Variants in NNAT observed in about 807,000 individuals in gnomAD.
The protein encoded by NNAT is neuronatin.
A neutral mutation model predicts 12.7 loss-of-function variants in NNAT; 8 were observed. The observed-to-expected ratio is 0.63, with a 90% CI of 0.37 to 1.14. NNAT has a LOEUF of 1.14. Ranked by LOEUF, NNAT falls within the 50% of genes most tolerant of loss-of-function variation. The probability of loss-of-function intolerance (pLI) is 0.01; values close to 1 mark genes in which losing one functional copy is unlikely to be tolerated. For synonymous variants in NNAT, 52 were observed against 48.5 expected, an observed-to-expected ratio of 1.07 and a Z score of -0.30; for missense variants, 94 against 108.3, an observed-to-expected ratio of 0.87 and a Z score of 0.59.
rs1320498608 is a variant in NNAT at position 37,522,660 on chromosome 20, G to A, written c.154-7G>A. The A allele has an allele frequency of 5.6e-6, 9 of 1,608,396 alleles. No homozygotes were observed. Among genetic ancestry groups the A allele is most frequent in the South Asian group, 2.2e-5 (2 of 90,192 alleles). On this transcript the variant is annotated splice_polypyrimidine_tract_variant and splice_region_variant and intron_variant, in intron 2 of 2. Coordinates refer to ENST00000649451, the MANE Select transcript of NNAT (RefSeq NM_005386.4). ...ACTAAGGGTGGGTCCTGGGTTTCTCGTCGCAGGTGTTCAGGTACTCCCTGC... is the reference window on the plus strand; with the variant it reads ...ACTAAGGGTGGGTCCTGGGTTTCTCATCGCAGGTGTTCAGGTACTCCCTGC...
chr20:37,522,514 T>A lies in NNAT; in HGVS notation c.153+76T>A, dbSNP rs2071619850. ...ACAGTTGGAAAAGCTCCAGCTGCCC[T>A]GACTCGTGGACAAGCTGCGCCCGCG... On this transcript the variant is annotated intron_variant, in intron 2 of 2. Transcript: ENST00000649451. The A allele has an allele frequency of 6.7e-6, 10 of 1,485,606 alleles. No individual in the cohort carries two copies. In the Admixed American group the frequency reaches 7.1e-5, roughly 11 times the overall value. 92.0% of individuals were successfully genotyped at this position (1,485,606 alleles called of 1,614,324 possible). A position where few individuals can be genotyped will look rare whatever the true frequency, so the allele number is the denominator to read the frequency against.
chr20:37,522,728 T>C lies in NNAT; in HGVS notation c.215T>C (p.Leu72Ser), dbSNP rs1343490545. Reference sequence around the variant, plus strand: ...GTGTCGCGGACCGGGCGGCAGGTGTTGGGGGAGCGCAGGCAGCGAGCCCCC... The same window carrying C: ...GTGTCGCGGACCGGGCGGCAGGTGTCGGGGGAGCGCAGGCAGCGAGCCCCC... ...YTVSRTGRQV[L>S]GERRQRAPN is the part of the protein sequence containing the mutation. The change falls in exon 3 of 3, where the codon TTG becomes TCG. Residue 72 changes from leucine to serine, a missense_variant. Transcript: ENST00000649451. The C allele has an allele frequency of 1.2e-6, 2 of 1,610,714 alleles. No individual in the cohort carries two copies. Among genetic ancestry groups the C allele is most frequent in the East Asian group, 4.5e-5 (2 of 44,746 alleles).
Position 37,521,305 on chromosome 20 carries a change from G to C in NNAT, c.-27G>C, listed in dbSNP as rs762794212. ...CGGATCTCGGCAAACCCTCTTTCTC[G>C]ACCACCCACCTACCATTCTTGGAAC... On this transcript the variant is annotated 5_prime_UTR_variant, in exon 1 of 3. Coordinates refer to ENST00000649451, the MANE Select transcript of NNAT (RefSeq NM_005386.4). This position sits in a 1 kb window ranked among gnomAD's most constrained non-coding sequence, Gnocchi z 4.5. 2.3e-4 allele frequency: 367 copies of C among 1,612,262 alleles called. No individual in the cohort carries two copies. The highest frequency in any genetic ancestry group is 3.0e-4 in the Non-Finnish European group (351 of 1,178,740).
At chr20:37,522,598 G>GGGGGGGGGGGGGGGGGGGCGC in intron 2 of NNAT, 69 bp from the exon 3 acceptor site, 1 of 864,476 alleles carries the variant, frequency 1.2e-6, no homozygotes, top group Non-Finnish European at 1.7e-6. Flanking sequence ...GCGGGGGTGG[G>GGGGGGGGGGGGGGGGGGGCGC]CACGGCAGCA....
chr20:37,523,318 G>GCTGCATTTGCTCT lies in NNAT; in HGVS notation c.*562_*574dup, dbSNP rs2071656434. ...CCCAGGGCACTTGCATTCCAGCCTC[G>GCTGCATTTGCTCT]CTGCATTTGCTCTCTCGATTCCCCT... On this transcript the variant is annotated 3_prime_UTR_variant, in exon 3 of 3. Transcript: ENST00000649451. 1 of 152,568 alleles carries GCTGCATTTGCTCT rather than the reference G, an allele frequency of 6.6e-6. No homozygotes were observed. The highest frequency in any genetic ancestry group is 2.1e-4 in the South Asian group (1 of 4,840). The allele number at this position is 152,568 out of a possible 1,614,324, so 9.5% of individuals were successfully genotyped here.
At chr20:37,522,598 G>GGCCC in intron 2 of NNAT, 69 bp from the exon 3 acceptor site, 2 of 864,174 alleles carry the variant, frequency 2.3e-6, no homozygotes, top group East Asian at 4.6e-5. Context: ...GCGGGGGTGG[G>GGCCC]CACGGCAGCA....
rs1448197815 is a variant in NNAT, at chr20:37,523,242, G to A, written c.*483G>A. Reference sequence around the variant, plus strand: ...TGTGGCGGGACTGGAGGGCACAGTTGAGGAAGGAGGGTGGTTAAGAAATAC... The same window carrying A: ...TGTGGCGGGACTGGAGGGCACAGTTAAGGAAGGAGGGTGGTTAAGAAATAC... On this transcript the variant is annotated 3_prime_UTR_variant, in exon 3 of 3. Transcript: ENST00000649451. 6.5e-6 allele frequency: 1 copy of A among 154,008 alleles called. No individual in the cohort carries two copies. The highest frequency in any genetic ancestry group is 1.4e-5 in the Non-Finnish European group (1 of 69,196). 9.5% of individuals were successfully genotyped at this position (154,008 alleles called of 1,614,324 possible). A position where few individuals can be genotyped will look rare whatever the true frequency, so the allele number is the denominator to read the frequency against.
Position 37,521,966 on chromosome 20 carries a change from G to A in NNAT, c.73-392G>A, listed in dbSNP as rs1203367003. Among the ~76,000 whole-genome samples, 2 of 148,078 alleles carry A rather than the reference G, an allele frequency of 1.4e-5. No homozygotes were observed. Among genetic ancestry groups the A allele is most frequent in the Non-Finnish European group, 3.0e-5 (2 of 67,314 alleles). Reference sequence around the variant, plus strand: ...GTAGTTCACAGGAAAACAGAAAAACGCGCATTGCAGGAAAAATAAATCGGA... The same window carrying A: ...GTAGTTCACAGGAAAACAGAAAAACACGCATTGCAGGAAAAATAAATCGGA... On this transcript the variant is annotated intron_variant, in intron 1 of 2. Transcript: ENST00000649451. This position sits in a 1 kb window ranked among gnomAD's most constrained non-coding sequence, Gnocchi z 4.5.
chr20:37,521,669 G>C lies in NNAT; in HGVS notation c.72+266G>C, dbSNP rs1166413338. On this transcript the variant is annotated intron_variant, in intron 1 of 2. Coordinates refer to ENST00000649451, the MANE Select transcript of NNAT (RefSeq NM_005386.4). This position sits in a 1 kb window ranked among gnomAD's most constrained non-coding sequence, Gnocchi z 4.5. ...GGCGACCGCTGCGGACGATCACCCAGGCATTTAGCGACCTACGCGGTAAGA... is the reference window on the plus strand; with the variant it reads ...GGCGACCGCTGCGGACGATCACCCACGCATTTAGCGACCTACGCGGTAAGA... The C allele has an allele frequency of 4.2e-6, 2 of 476,058 alleles. No homozygotes were observed. Among genetic ancestry groups the C allele is most frequent in the Non-Finnish European group, 7.6e-6 (2 of 263,492 alleles). The allele number at this position is 476,058 out of a possible 1,614,324, so 29.5% of individuals were successfully genotyped here.
intron 2 of NNAT, 113 bp downstream of exon 2, chr20:37,522,551 A>T: frequency 1.9e-6 from 2 of 1,043,734 alleles, no homozygotes; most frequent in Admixed American, 2.8e-5. Context: ...CCGCCTCTCC[A>T]GCCTACGCTG....
Position 37,521,294 on chromosome 20 carries a change from C to CCCTCTT in NNAT, c.-37_-32dup, listed in dbSNP as rs774457479. On this transcript the variant is annotated 5_prime_UTR_variant, in exon 1 of 3. Transcript: ENST00000649451. The surrounding 1 kb of genome is among the most constrained non-coding windows in gnomAD (Gnocchi z 4.5). ...TCCGAGACCAGCGGATCTCGGCAAA[C>CCCTCTT]CCTCTTTCTCGACCACCCACCTACC... The CCCTCTT allele has an allele frequency of 1.2e-6, 2 of 1,608,348 alleles. No homozygotes were observed. Among genetic ancestry groups the CCCTCTT allele is most frequent in the East Asian group, 4.5e-5 (2 of 44,836 alleles).
Position 37,521,469 on chromosome 20 carries a change from G to T in NNAT, c.72+66G>T, listed in dbSNP as rs551653227. On this transcript the variant is annotated intron_variant, in intron 1 of 2. Coordinates refer to ENST00000649451, the MANE Select transcript of NNAT (RefSeq NM_005386.4). This position sits in a 1 kb window ranked among gnomAD's most constrained non-coding sequence, Gnocchi z 4.5. ...TCGCGCCCCTAGAACCCGCAAGACT[G>T]CGTCGCGATTGCCGCTTCCCGGACC... 6.4e-5 allele frequency: 96 copies of T among 1,495,496 alleles called. No homozygotes were observed. In the East Asian group the frequency reaches 2.2e-3, roughly 34 times the overall value. 92.6% of individuals were successfully genotyped at this position (1,495,496 alleles called of 1,614,324 possible). A position where few individuals can be genotyped will look rare whatever the true frequency, so the allele number is the denominator to read the frequency against.
Position 37,521,327 on chromosome 20 carries a change from G to C in NNAT, c.-5G>C. 1 of 1,614,012 alleles carries C rather than the reference G, an allele frequency of 6.2e-7. No homozygotes were observed. Among genetic ancestry groups the C allele is most frequent in the Non-Finnish European group, 8.5e-7 (1 of 1,179,928 alleles). ...CTCGACCACCCACCTACCATTCTTG[G>C]AACCATGGCGGCAGTGGCGGCGGCC... On this transcript the variant is annotated 5_prime_UTR_variant, in exon 1 of 3. Coordinates refer to ENST00000649451, the MANE Select transcript of NNAT (RefSeq NM_005386.4). The surrounding 1 kb of genome is among the most constrained non-coding windows in gnomAD (Gnocchi z 4.5).
At position 37,523,422 on chromosome 20, in the gene NNAT, G is replaced by C. The variant is rs2071659408; in HGVS notation, c.*663G>C. ...ATTTGGAACTATTCAAGCAGTAAAAGTAAATGAATCCCACCTTTACTAAAA... is the reference window on the plus strand; with the variant it reads ...ATTTGGAACTATTCAAGCAGTAAAACTAAATGAATCCCACCTTTACTAAAA... On this transcript the variant is annotated 3_prime_UTR_variant, in exon 3 of 3. Coordinates refer to ENST00000649451, the MANE Select transcript of NNAT (RefSeq NM_005386.4). 6.6e-6 allele frequency: 1 copy of C among 152,630 alleles called. No homozygotes were observed. The highest frequency in any genetic ancestry group is 1.5e-5 in the Non-Finnish European group (1 of 68,058). The allele number at this position is 152,630 out of a possible 1,614,324, so 9.5% of individuals were successfully genotyped here. A position where few individuals can be genotyped will look rare whatever the true frequency, so the allele number is the denominator to read the frequency against.
At position 37,521,735 on chromosome 20, in the gene NNAT, G is replaced by A. The variant is rs1392766877; in HGVS notation, c.72+332G>A. 3 of 293,358 alleles carry A rather than the reference G, an allele frequency of 1.0e-5. No individual in the cohort carries two copies. The highest frequency in any genetic ancestry group is 1.3e-5 in the Non-Finnish European group (2 of 154,180). The allele number at this position is 293,358 out of a possible 1,614,324, so 18.2% of individuals were successfully genotyped here. ...CGGACTCGACCCCAGGAGGGAGGCG[G>A]GGCACTACTGTGTTGAAAGACTTTA... On this transcript the variant is annotated intron_variant, in intron 1 of 2. Transcript: ENST00000649451. This position sits in a 1 kb window ranked among gnomAD's most constrained non-coding sequence, Gnocchi z 4.5.
In NNAT at chr20:37,521,448, G is replaced by GC; in HGVS notation, c.72+49dup. On this transcript the variant is annotated intron_variant, in intron 1 of 2. Transcript: ENST00000649451. This position sits in a 1 kb window ranked among gnomAD's most constrained non-coding sequence, Gnocchi z 4.5. ...GGGTGGGAGAGGGTTCCCAACTCGC[G>GC]CCCCTAGAACCCGCAAGACTGCGTC... 1 of 1,578,930 alleles carries GC rather than the reference G, an allele frequency of 6.3e-7. No homozygotes were observed. The highest frequency in any genetic ancestry group is 1.1e-5 in the South Asian group (1 of 90,454).
rs1292186817 is a variant in NNAT, at chr20:37,522,372, C to T, written c.87C>T (p.Cys29=). Residue 29 remains cysteine (C), a synonymous_variant, in exon 2 of 3, where the codon TGC becomes TGT. Coordinates refer to ENST00000649451, the MANE Select transcript of NNAT (RefSeq NM_005386.4). ...TTTCCTTCAAGGTGTTCCTGGAATG[C>T]TGCATTTACTGGGTAGGATTCGCTT... ...FRVLLQVFLE[C]CIYWVGFAFR... is the part of the protein sequence containing the mutation. 6.2e-7 allele frequency: 1 copy of T among 1,613,726 alleles called. No individual in the cohort carries two copies. Among genetic ancestry groups the T allele is most frequent in the African/African-American group, 1.3e-5 (1 of 74,902 alleles).
rs1307741368 is a variant in NNAT, at chr20:37,523,610, C to G, written c.*851C>G. On this transcript the variant is annotated 3_prime_UTR_variant, in exon 3 of 3. Transcript: ENST00000649451. ...TAAGCTCCTGGAGGACAGGGACCAC[C>G]TCTACAAAAAATAAAAAAAGTACCT... The G allele has an allele frequency of 6.6e-6, 1 of 152,670 alleles. No homozygotes were observed. Among genetic ancestry groups the G allele is most frequent in the Non-Finnish European group, 1.5e-5 (1 of 68,084 alleles). 9.5% of individuals were successfully genotyped at this position (152,670 alleles called of 1,614,324 possible).
chr20:37,522,276 A>G (rs2071612520), intron 1 of NNAT, 82 bp from the exon 2 acceptor site: 1 of 1,122,266 alleles, frequency 8.9e-7, no homozygotes, highest in Non-Finnish European at 1.3e-6. Context: ...CCATAAAATC[A>G]TTTACCCTAA....
Sources: gnomAD v4.1 joint callset for allele counts (sites outside exome capture counted in the v4.1 genomes callset) on GRCh38, gnomAD v4.1.1 for gene constraint, Gnocchi (gnomAD v3.1) non-coding constraint, MANE v1.5 for transcripts, NCBI Gene and HGNC (gene_info 2026-07-23, HGNC 2026-07-21) for gene names.